The following SEM1 variants were observed in gnomAD, a reference collection of about 807,000 sequenced individuals.
SEM1 encodes the protein SEM1 26S proteasome subunit.
In SEM1, 3 loss-of-function variants were observed where a neutral mutation model predicts 12.7. The ratio of observed to expected loss-of-function variants is 0.24; its 90% CI spans 0.11 to 0.61. The LOEUF (loss-of-function observed/expected upper bound fraction) is 0.61, where lower values mean the gene tolerates loss of function less well. SEM1 is among the 20% of genes least tolerant of loss of function. The probability of loss-of-function intolerance (pLI) is 0.88; values close to 1 mark genes in which losing one functional copy is unlikely to be tolerated. For synonymous variants in SEM1, 30 were observed against 27.8 expected (o/e 1.08, Z -0.25); for missense variants, 59 against 81.3 (o/e 0.73, Z 1.06).
At chr7:96,558,656 A>G (rs1343698418) in intron 2 of SEM1, among the ~76,000 whole-genome samples, 2 of 152,192 alleles carry the variant, frequency 1.3e-5, no homozygotes, top group African/African-American at 4.8e-5. Context: ...ATATGAAGTG[A>G]AAAGAGGGTA....
chr7:96,487,128 A>C (rs1802803206), intron 1 of SEM1, among the ~76,000 whole-genome samples: 1 of 150,842 alleles, frequency 6.6e-6, no homozygotes, highest in African/African-American at 2.5e-5. Context: ...GGCTGGGACT[A>C]GGGAGAGACC....
At chr7:96,594,997 T>C (rs1455339656) in intron 2 of SEM1, among the ~76,000 whole-genome samples, 1 of 152,174 alleles carries the variant, frequency 6.6e-6, no homozygotes, top group Non-Finnish European at 1.5e-5. Flanking sequence ...GTACTTAAGA[T>C]TAGTTACTGC....
intron 1 of SEM1, among the ~76,000 whole-genome samples, chr7:96,494,285 A>G (rs1803148722): frequency 6.6e-6 from 1 of 152,186 alleles, no homozygotes. Flanking sequence ...AAGATATGTG[A>G]AATACTTAAT....
intron 2 of SEM1, among the ~76,000 whole-genome samples, chr7:96,541,360 T>G (rs1804941872): frequency 6.6e-6 from 1 of 151,630 alleles, no homozygotes; most frequent in Non-Finnish European, 1.5e-5. Flanking sequence ...ACGTTTTTTA[T>G]ATATTTGTTT....
intron 2 of SEM1, among the ~76,000 whole-genome samples, chr7:96,533,964 T>C (rs1049863770): frequency 6.6e-6 from 1 of 152,000 alleles, no homozygotes; most frequent in East Asian, 1.9e-4. Flanking sequence ...ATTAATTGTA[T>C]TAAATCCCGA....
downstream of SEM1, among the ~76,000 whole-genome samples, chr7:96,687,660 C>A (rs934672115): frequency 6.6e-6 from 1 of 151,950 alleles, no homozygotes; most frequent in African/African-American, 2.4e-5. Flanking sequence ...GGAGGGATAG[C>A]ATTAAGAGAT....
At chr7:96,624,270 T>C (rs572680708) in intron 2 of SEM1, among the ~76,000 whole-genome samples, 1 of 152,356 alleles carries the variant, frequency 6.6e-6, no homozygotes, top group African/African-American at 2.4e-5. Context: ...AAGTTAATGG[T>C]TGATAAATCT....
chr7:96,512,010 G>T (rs1563039051), intron 2 of SEM1, among the ~76,000 whole-genome samples: 1 of 152,118 alleles, frequency 6.6e-6, no homozygotes, highest in Non-Finnish European at 1.5e-5. Context: ...TGCTGCTGCT[G>T]CTGTTCCTGG....
At chr7:96,484,999 A>G in intron 2 of SEM1, 1 of 415,106 alleles carries the variant, frequency 2.4e-6, no homozygotes, top group Non-Finnish European at 4.5e-6. Flanking sequence ...AGTGCCTCAT[A>G]GTATATAGCA....
intron 2 of SEM1, among the ~76,000 whole-genome samples, chr7:96,607,446 T>C (rs1272624663): frequency 1.3e-5 from 2 of 152,230 alleles, no homozygotes; most frequent in Non-Finnish European, 2.9e-5. Flanking sequence ...AAATAGACTG[T>C]TCACTCTTTT....
intron 2 of SEM1, among the ~76,000 whole-genome samples, chr7:96,568,008 G>C (rs1007046415): frequency 6.6e-6 from 1 of 150,842 alleles, no homozygotes; most frequent in Middle Eastern, 3.2e-3. Flanking sequence ...TATTTTGATG[G>C]GTACATACAA....
At chr7:96,587,807 G>A (rs865913001) in intron 2 of SEM1, among the ~76,000 whole-genome samples, 8 of 151,912 alleles carry the variant, frequency 5.3e-5, no homozygotes, top group African/African-American at 1.2e-4. Context: ...ACATACATAC[G>A]TACATAGATG....
At chr7:96,555,076 A>G (rs1805437002) in intron 2 of SEM1, among the ~76,000 whole-genome samples, 1 of 149,032 alleles carries the variant, frequency 6.7e-6, no homozygotes, top group African/African-American at 2.5e-5. Flanking sequence ...CGTCTATTTG[A>G]TTCTTCTCTC....
At chr7:96,577,189 A>G (rs944284441) in intron 2 of SEM1, among the ~76,000 whole-genome samples, 1 of 152,090 alleles carries the variant, frequency 6.6e-6, no homozygotes, top group Non-Finnish European at 1.5e-5. Context: ...AGCCCTAACC[A>G]TGAGAAGGTA....
At chr7:96,580,872 C>G (rs1328339924) in intron 2 of SEM1, among the ~76,000 whole-genome samples, 1 of 152,092 alleles carries the variant, frequency 6.6e-6, no homozygotes, top group Non-Finnish European at 1.5e-5. Flanking sequence ...GATATTAGCC[C>G]TTTGTCAGAT....
intron 3 of SEM1, among the ~76,000 whole-genome samples, chr7:96,503,262 A>C (rs1476595654): frequency 6.6e-6 from 1 of 152,138 alleles, no homozygotes; most frequent in Non-Finnish European, 1.5e-5. Flanking sequence ...TCTGTTTTAT[A>C]GTTATTATTA....
At chr7:96,488,305 C>A (rs950425815) in intron 1 of SEM1, among the ~76,000 whole-genome samples, 5 of 152,138 alleles carry the variant, frequency 3.3e-5, no homozygotes, top group African/African-American at 9.7e-5. Flanking sequence ...ACTTCAAAGA[C>A]AAACTTAGTC....
At chr7:96,701,079 C>A (rs893598994) in intron 1 of SEM1, among the ~76,000 whole-genome samples, 2 of 151,938 alleles carry the variant, frequency 1.3e-5, no homozygotes, top group Non-Finnish European at 2.9e-5. Context: ...TCAGACACAG[C>A]TCAAATTCTA....
At chr7:96,484,546 T>C (rs1021413596) in intron 3 of SEM1, among the ~76,000 whole-genome samples, 1 of 152,232 alleles carries the variant, frequency 6.6e-6, no homozygotes, top group African/African-American at 2.4e-5. Context: ...ATTTGAATTA[T>C]CTGTGTGTGT....
Sources: gnomAD v4.1 joint callset for allele counts (sites outside exome capture counted in the v4.1 genomes callset) on GRCh38, gnomAD v4.1.1 for gene constraint, MANE v1.5 for transcripts, NCBI Gene and HGNC (gene_info 2026-07-23, HGNC 2026-07-21) for gene names.